The following MYBPC1 variants were observed in gnomAD, a reference collection of about 807,000 sequenced individuals.
The protein encoded by MYBPC1 is myosin-binding protein C, slow-type.
A neutral mutation model predicts 147.1 loss-of-function variants in MYBPC1; 52 were observed. That is an observed-to-expected ratio of 0.35 (90% confidence interval 0.28 to 0.45). The LOEUF (loss-of-function observed/expected upper bound fraction) is 0.45. Ranked by LOEUF, MYBPC1 falls within the 20% of genes least tolerant of loss-of-function variation. The pLI is 1.00. For synonymous variants in MYBPC1, 477 were observed against 475.9 expected, an observed-to-expected ratio of 1.00 and a Z score of -0.03; for missense variants, 1,228 against 1,440.3, an observed-to-expected ratio of 0.85 and a Z score of 2.39.
In MYBPC1 at chr12:101,661,147, G is replaced by A; in HGVS notation, c.1928-11G>A. ...CTTATTTTACTTTATCCTATTTTTT[G>A]TCTGCCACAGACTTCCCTGATCCTC... On this transcript the variant is annotated splice_polypyrimidine_tract_variant and intron_variant, in intron 19 of 31. Transcript: ENST00000361466. 6.3e-7 allele frequency: 1 copy of A among 1,591,266 alleles called. No homozygotes were observed. The highest frequency in any genetic ancestry group is 8.6e-7 in the Non-Finnish European group (1 of 1,163,756).
chr12:101,631,909 T>A, intron 7 of MYBPC1, 112 bp from the exon 8 acceptor site: 1 of 1,286,166 alleles, frequency 7.8e-7, no homozygotes, highest in Non-Finnish European at 1.1e-6. Flanking sequence ...TTTGCCCTCC[T>A]ATAGTGAGAA....
At chr12:101,637,071 T>C (rs116047311) in intron 10 of MYBPC1, 873 of 56,690 alleles carry the variant, frequency 0.015, 7 homozygotes, top group African/African-American at 0.14. Flanking sequence ...TCTGAAGGTA[T>C]ACACATTGTA....
chr12:101,659,927 C>T, intron 19 of MYBPC1, 96 bp downstream of exon 19: 9 of 1,455,426 alleles, frequency 6.2e-6, no homozygotes, highest in Non-Finnish European at 5.7e-6. Context: ...CATTTCCTTC[C>T]TTTGTCTTTC....
chr12:101,639,970 G>A (rs374426655), intron 10 of MYBPC1, among the ~76,000 whole-genome samples: 6 of 152,018 alleles, frequency 3.9e-5, no homozygotes, highest in African/African-American at 1.4e-4. Flanking sequence ...TAGATTGAGG[G>A]AACACCCCGC....
In MYBPC1 at chr12:101,663,388, T is replaced by C. The variant is rs2254631; in HGVS notation, c.2222-38T>C. ...CAGTTCCTGCACTATAGCTGTGTAG[T>C]AAATAGTTTATTCTTTTCTGTCTCT... On this transcript the variant is annotated intron_variant, in intron 21 of 31. Coordinates refer to ENST00000361466, the MANE Select transcript of MYBPC1 (RefSeq NM_002465.4). The C allele has an allele frequency of 0.69, 1,090,402 of 1,577,920 alleles. 383,420 individuals are homozygous for C. Among genetic ancestry groups the C allele is most frequent in the Admixed American group, 0.78 (46,584 of 59,948 alleles).
At chr12:101,660,347 A>G (rs950136767) in intron 19 of MYBPC1, 2 of 176,402 alleles carry the variant, frequency 1.1e-5, no homozygotes, top group Non-Finnish European at 2.5e-5. Flanking sequence ...TTTGACTTGG[A>G]TTTCTACCAG....
downstream of MYBPC1, among the ~76,000 whole-genome samples, chr12:101,686,187 A>G (rs1349254594): frequency 1.3e-5 from 2 of 152,348 alleles, no homozygotes; most frequent in East Asian, 3.9e-4. Context: ...TCTAACTTTC[A>G]AACAAATTTT....
At chr12:101,632,708 T>A (rs1890163554) in intron 8 of MYBPC1, among the ~76,000 whole-genome samples, 1 of 152,216 alleles carries the variant, frequency 6.6e-6, no homozygotes, top group African/African-American at 2.4e-5. Flanking sequence ...TGTGATGTAG[T>A]TGCAAAAGAC....
chr12:101,604,121 G>C (rs929548342), intron 1 of MYBPC1, among the ~76,000 whole-genome samples: 4 of 152,188 alleles, frequency 2.6e-5, no homozygotes, highest in African/African-American at 9.7e-5. Context: ...AACATGGTAA[G>C]AGTAGTGAGG....
chr12:101,637,067 G>T, intron 10 of MYBPC1: 1 of 54,832 alleles, frequency 1.8e-5, no homozygotes, highest in Admixed American at 1.5e-4. Flanking sequence ...GAAGTCTGAA[G>T]GTATACACAT....
In MYBPC1 at chr12:101,628,610, G is replaced by A. The variant is rs547705185; in HGVS notation, c.178+806G>A. The stretch of plus-strand genomic sequence containing the variant: ...TGCATTTTTTTCCAGTTACTAAATG[G>A]CTGAACCTGAACTCTGCATTCGGCT... On this transcript the variant is annotated intron_variant, in intron 5 of 31. Coordinates refer to ENST00000361466, the MANE Select transcript of MYBPC1 (RefSeq NM_002465.4). Among the ~76,000 whole-genome samples the A allele has an allele frequency of 9.9e-5, 15 of 152,230 alleles. No individual in the cohort carries two copies. The South Asian group carries it at 3.1e-3, about 32-fold the overall frequency.
intron 26 of MYBPC1, 82 bp from the exon 27 acceptor site, chr12:101,677,153 T>G: frequency 7.2e-7 from 1 of 1,386,142 alleles, no homozygotes; most frequent in South Asian, 1.2e-5. Context: ...AAAGCATCCT[T>G]GTTATTTATC....
intron 22 of MYBPC1, chr12:101,666,773 G>T (rs776821934): frequency 1.2e-6 from 2 of 1,613,836 alleles, no homozygotes; most frequent in South Asian, 1.1e-5. Context: ...TGATGAAAAT[G>T]GGGAGGCTGC....
At chr12:101,602,905 T>C (rs1327415881) in intron 1 of MYBPC1, among the ~76,000 whole-genome samples, 1 of 152,230 alleles carries the variant, frequency 6.6e-6, no homozygotes, top group Non-Finnish European at 1.5e-5. Flanking sequence ...GTTGTCAGCA[T>C]AAGGTGATAA....
At chr12:101,638,893 A>C (rs1171764524) in intron 10 of MYBPC1, among the ~76,000 whole-genome samples, 6 of 152,272 alleles carry the variant, frequency 3.9e-5, no homozygotes, top group Admixed American at 3.9e-4. Context: ...AGTATACTAT[A>C]CTAATCCACT....
intron 1 of MYBPC1, among the ~76,000 whole-genome samples, chr12:101,613,332 C>T (rs1884935960): frequency 6.6e-6 from 1 of 152,188 alleles, no homozygotes; most frequent in Non-Finnish European, 1.5e-5. Context: ...GCATCGTCCG[C>T]CCTGCTTAAC....
Position 101,664,087 on chromosome 12 carries a change from T to C in MYBPC1, c.2356+527T>C, listed in dbSNP as rs962981624. On this transcript the variant is annotated intron_variant, in intron 22 of 31. Coordinates refer to ENST00000361466, the MANE Select transcript of MYBPC1 (RefSeq NM_002465.4). ...AAGCAGCATTAAATCCTCGAGTGTA[T>C]AAGAAATAAGTTCAATATGTAGCAG... Among the ~76,000 whole-genome samples, 4 of 152,266 alleles carry C rather than the reference T, an allele frequency of 2.6e-5. No individual in the cohort carries two copies. The South Asian group carries it at 8.3e-4, about 32-fold the overall frequency.
chr12:101,666,631 T>A, intron 22 of MYBPC1: 1 of 1,076,784 alleles, frequency 9.3e-7, no homozygotes, highest in Non-Finnish European at 1.4e-6. Context: ...TGAGGACAAA[T>A]CTCTTTGCAC....
downstream of MYBPC1, among the ~76,000 whole-genome samples, chr12:101,687,513 G>A (rs143230200): frequency 5.9e-3 from 898 of 152,180 alleles, 3 homozygotes; most frequent in Non-Finnish European, 7.6e-3. Context: ...GAGTAGTGCC[G>A]CAATAAACAT....
Sources: gnomAD v4.1 joint callset for allele counts (sites outside exome capture counted in the v4.1 genomes callset) on GRCh38, gnomAD v4.1.1 for gene constraint, MANE v1.5 for transcripts, NCBI Gene and HGNC (gene_info 2026-07-23, HGNC 2026-07-21) for gene names.